The following RUFY2 variants were observed in gnomAD, a reference collection of about 807,000 sequenced individuals.
The protein encoded by RUFY2 is RUN and FYVE domain-containing protein 2.
In RUFY2, 49 loss-of-function variants were observed where a neutral mutation model predicts 94.4. That is an observed-to-expected ratio of 0.52 (90% confidence interval 0.41 to 0.66). The LOEUF is 0.66. RUFY2 is among the 30% of genes least tolerant of loss of function. RUFY2 has a pLI of 0.00. For synonymous variants in RUFY2, 255 were observed against 235.7 expected, an observed-to-expected ratio of 1.08 and a Z score of -0.75; for missense variants, 541 against 692.8, an observed-to-expected ratio of 0.78 and a Z score of 2.46.
chr10:68,373,480 A>G (rs2048411134), intron 13 of RUFY2, among the ~76,000 whole-genome samples: 1 of 152,232 alleles, frequency 6.6e-6, no homozygotes, highest in African/African-American at 2.4e-5. Flanking sequence ...TAAAAGCATG[A>G]AGCAGGCCAA....
chr10:68,375,548 G>A lies in RUFY2; in HGVS notation c.1325+1305C>T, dbSNP rs145104231. On this transcript the variant is annotated intron_variant, in intron 13 of 17. Transcript: ENST00000602465. ...CCAGCACTTTGGGAGGCTGAGGCAGGTGGATCACGAGGTCAGGAGATCAAG... is the reference window on the plus strand; with the variant it reads ...CCAGCACTTTGGGAGGCTGAGGCAGATGGATCACGAGGTCAGGAGATCAAG... Among the ~76,000 whole-genome samples the A allele has an allele frequency of 8.2e-3, 1,241 of 152,232 alleles. 18 individuals carry two copies. The highest frequency in any genetic ancestry group is 0.028 in the African/African-American group (1,158 of 41,526).
intron 13 of RUFY2, among the ~76,000 whole-genome samples, chr10:68,370,180 G>C (rs1466263315): frequency 6.6e-6 from 1 of 152,078 alleles, no homozygotes; most frequent in Non-Finnish European, 1.5e-5. Flanking sequence ...AGCTACTAAA[G>C]AGGCTGAGGC....
chr10:68,406,102 AG>A (rs2051273390), intron 1 of RUFY2, among the ~76,000 whole-genome samples: 1 of 152,144 alleles, frequency 6.6e-6, no homozygotes, highest in Admixed American at 6.6e-5. Context: ...CGAAGCACTT[AG>A]TATAACATTT....
chr10:68,386,022 C>G (rs1348800754), intron 8 of RUFY2, 37 bp downstream of exon 8: 1 of 1,388,494 alleles, frequency 7.2e-7, no homozygotes, highest in Admixed American at 1.9e-5. Context: ...ATCACAAACA[C>G]TAGGTCCATG....
intron 4 of RUFY2, 72 bp downstream of exon 4, chr10:68,396,708 C>A: frequency 2.1e-6 from 2 of 974,924 alleles, no homozygotes. Context: ...CATATTACAT[C>A]TTAAATCCTT....
chr10:68,383,994 C>G (rs2049289306), intron 9 of RUFY2, 57 bp downstream of exon 9: 1 of 1,581,812 alleles, frequency 6.3e-7, no homozygotes, highest in East Asian at 2.2e-5. Flanking sequence ...TCCAAAAATC[C>G]CCAAAAATGG....
chr10:68,363,450 G>T, intron 15 of RUFY2, 140 bp downstream of exon 15: 2 of 522,622 alleles, frequency 3.8e-6, no homozygotes, highest in Non-Finnish European at 6.6e-6. Flanking sequence ...AAAGTGCGGG[G>T]ATTACAGGCG....
At chr10:68,406,736 C>T in intron 1 of RUFY2, 1 of 1,600,450 alleles carries the variant, frequency 6.2e-7, no homozygotes, top group Non-Finnish European at 8.5e-7. Flanking sequence ...CCCCCCAGGA[C>T]CATCGCGGCG....
chr10:68,403,260 CTTTCT>C (rs2051004027), intron 2 of RUFY2, among the ~76,000 whole-genome samples: 1 of 150,818 alleles, frequency 6.6e-6, no homozygotes, highest in Non-Finnish European at 1.5e-5. Context: ...CTCCCATTTT[CTTTCT>C]TTTGAGACAG....
In RUFY2 at chr10:68,346,312, A is replaced by T. The variant is rs544485925; in HGVS notation, c.1600-228T>A. 4 of 433,084 alleles carry T rather than the reference A, an allele frequency of 9.2e-6. No individual in the cohort carries two copies. In the South Asian group the frequency reaches 1.2e-4, roughly 13 times the overall value. 26.8% of individuals were successfully genotyped at this position (433,084 alleles called of 1,614,324 possible). ...AAGTATAAAAAACAAGATTGCAGCC[A>T]GGCGACAATGGCTCACACCGGTAAT... On this transcript the variant is annotated intron_variant, in intron 16 of 17. Coordinates refer to ENST00000602465, the MANE Select transcript of RUFY2 (RefSeq NM_001330103.2).
chr10:68,355,873 C>T (rs2047016852), intron 15 of RUFY2, among the ~76,000 whole-genome samples: 1 of 144,284 alleles, frequency 6.9e-6, no homozygotes. Context: ...AAGATCACGC[C>T]ACTGCACTCC....
chr10:68,353,224 G>A (rs1487208556), intron 16 of RUFY2, among the ~76,000 whole-genome samples: 1 of 151,586 alleles, frequency 6.6e-6, no homozygotes, highest in Admixed American at 6.6e-5. Flanking sequence ...CCAGCTACTC[G>A]GGAGGCTGAA....
chr10:68,357,025 G>A (rs2047102025), intron 15 of RUFY2, among the ~76,000 whole-genome samples: 1 of 151,530 alleles, frequency 6.6e-6, no homozygotes, highest in South Asian at 2.1e-4. Context: ...AAATTAGCTG[G>A]GCGTGGTGAG....
chr10:68,377,859 C>T, intron 12 of RUFY2: 1 of 985,382 alleles, frequency 1.0e-6, no homozygotes, highest in Non-Finnish European at 1.2e-6. Flanking sequence ...CTCTTCCTTT[C>T]TTCCTTAAAA....
intron 11 of RUFY2, among the ~76,000 whole-genome samples, chr10:68,380,859 C>G (rs1564823170): frequency 6.6e-6 from 1 of 151,528 alleles, no homozygotes; most frequent in Non-Finnish European, 1.5e-5. Flanking sequence ...GAGACTCCAT[C>G]TCAAAAAAAA....
intron 15 of RUFY2, 105 bp downstream of exon 15, chr10:68,363,485 C>T (rs936710625): frequency 2.3e-5 from 16 of 707,214 alleles, no homozygotes; most frequent in Non-Finnish European, 3.4e-5. Context: ...CGGCCTAGTT[C>T]GTATCTTTCC....
chr10:68,363,826 G>A (rs2047626973), intron 14 of RUFY2, 142 bp from the exon 15 acceptor site: 1 of 819,676 alleles, frequency 1.2e-6, no homozygotes, highest in Non-Finnish European at 1.8e-6. Flanking sequence ...TTTCCTAGCT[G>A]CTGTATCAAC....
intron 4 of RUFY2, among the ~76,000 whole-genome samples, chr10:68,394,666 T>TAGA (rs2050250230): frequency 6.6e-6 from 1 of 151,810 alleles, no homozygotes; most frequent in African/African-American, 2.4e-5. Context: ...GTCTTGCTCT[T>TAGA]TCACCCAGGC....
intron 15 of RUFY2, among the ~76,000 whole-genome samples, chr10:68,360,321 T>C (rs150623392): frequency 4.3e-4 from 65 of 151,888 alleles, no homozygotes; most frequent in African/African-American, 1.5e-3. Flanking sequence ...TCAAGCTGGA[T>C]GTAGTGGCTC....
Sources: gnomAD v4.1 joint callset for allele counts (sites outside exome capture counted in the v4.1 genomes callset) on GRCh38, gnomAD v4.1.1 for gene constraint, MANE v1.5 for transcripts, NCBI Gene and HGNC (gene_info 2026-07-23, HGNC 2026-07-21) for gene names.